KHDRBS3: variants seen among roughly 807,000 people sequenced by gnomAD.
KHDRBS3 encodes KH domain-containing, RNA-binding, signal transduction-associated protein 3.
KHDRBS3 carries 23 observed loss-of-function variants against 45.6 expected under a neutral mutation model. That is an observed-to-expected ratio of 0.50 (90% confidence interval 0.36 to 0.72). The LOEUF is 0.72. Ranked by LOEUF, KHDRBS3 falls within the 30% of genes least tolerant of loss-of-function variation. KHDRBS3 has a pLI of 0.00. For synonymous variants in KHDRBS3, 162 were observed against 156.5 expected (o/e 1.04, Z -0.26); for missense variants, 352 against 424.8 (o/e 0.83, Z 1.51).
Position 135,654,296 on chromosome 8 carries a change from A to G in KHDRBS3, c.*118-1930A>G, listed in dbSNP as rs188736451. 4.7e-4 allele frequency among the ~76,000 whole-genome samples: 72 copies of G among 152,360 alleles called. No homozygotes were observed. In the East Asian group the frequency reaches 0.011, roughly 24 times the overall value. On this transcript the variant is annotated intron_variant and NMD_transcript_variant, in intron 4 of 4. Transcript: ENST00000521461. ...TTTTGCTCACATTAAAGGCAATGCAAGAAGCCATGTTTATAAACATCTGTG... is the reference window on the plus strand; with the variant it reads ...TTTTGCTCACATTAAAGGCAATGCAGGAAGCCATGTTTATAAACATCTGTG...
At chr8:135,524,902 A>G (rs1304941234) in intron 2 of KHDRBS3, among the ~76,000 whole-genome samples, 1 of 151,952 alleles carries the variant, frequency 6.6e-6, no homozygotes, top group East Asian at 1.9e-4. Context: ...GGGATTTTCT[A>G]TTTTTTAATT....
chr8:135,554,252 A>C (rs900925258), intron 4 of KHDRBS3, among the ~76,000 whole-genome samples: 2 of 152,170 alleles, frequency 1.3e-5, no homozygotes, highest in African/African-American at 4.8e-5. Flanking sequence ...TACTTAGAAC[A>C]ATACTTTTTA....
chr8:135,536,966 C>CAAAAAAAAAAAAA lies in KHDRBS3; in HGVS notation c.208-5669_208-5657dup, dbSNP rs869256475. 4.2e-4 allele frequency among the ~76,000 whole-genome samples: 5 copies of CAAAAAAAAAAAAA among 11,772 alleles called. 1 individual carries two copies. The highest frequency in any genetic ancestry group is 1.3e-3 in the African/African-American group (3 of 2,398). The allele number at this position is 11,772 out of a possible 152,430, so 7.7% of individuals were successfully genotyped here. ...TGGGCGACAGAGCGAAACTCCATCT[C>CAAAAAAAAAAAAA]AAAAAAAAAAAAAAAAAAAAAAAAA... On this transcript the variant is annotated intron_variant, in intron 2 of 8. Coordinates refer to ENST00000355849, the MANE Select transcript of KHDRBS3 (RefSeq NM_006558.3).
intron 7 of KHDRBS3, among the ~76,000 whole-genome samples, chr8:135,637,866 T>G (rs184265626): frequency 6.6e-6 from 1 of 152,314 alleles, no homozygotes; most frequent in Non-Finnish European, 1.5e-5. Context: ...TAAAAGATTA[T>G]CTAAGTGCAT....
chr8:135,508,913 C>A (rs748687449), intron 1 of KHDRBS3, among the ~76,000 whole-genome samples: 1 of 152,086 alleles, frequency 6.6e-6, no homozygotes, highest in Admixed American at 6.6e-5. Flanking sequence ...GTCTTTCTAG[C>A]CAGTTTCCGT....
chr8:135,633,123 C>A (rs1287450514), intron 7 of KHDRBS3, among the ~76,000 whole-genome samples: 1 of 152,152 alleles, frequency 6.6e-6, no homozygotes, highest in African/African-American at 2.4e-5. Flanking sequence ...CTGTCTTTCC[C>A]ATTAAAGACA....
intron 1 of KHDRBS3, among the ~76,000 whole-genome samples, chr8:135,464,831 A>G (rs973299350): frequency 1.3e-5 from 2 of 152,236 alleles, no homozygotes; most frequent in African/African-American, 4.8e-5. Context: ...CATAGCTAGT[A>G]ACTGGTGAAT....
intron 2 of KHDRBS3, among the ~76,000 whole-genome samples, chr8:135,537,008 A>C: frequency 7.2e-6 from 1 of 138,870 alleles, no homozygotes. Flanking sequence ...GGAGATGTTT[A>C]GGAGGTAAAA....
chr8:135,644,163 C>T (rs1016828559), intron 7 of KHDRBS3, among the ~76,000 whole-genome samples: 3 of 152,212 alleles, frequency 2.0e-5, no homozygotes, highest in African/African-American at 7.2e-5. Flanking sequence ...AGACTTTTCA[C>T]AAGTCTATTC....
Position 135,604,520 on chromosome 8 carries a change from T to A in KHDRBS3, c.808-2435T>A, listed in dbSNP as rs577390885. Among the ~76,000 whole-genome samples, 513 of 151,610 alleles carry A rather than the reference T, an allele frequency of 3.4e-3. 7 individuals are homozygous for A. The highest frequency in any genetic ancestry group is 0.011 in the African/African-American group (466 of 41,450). On this transcript the variant is annotated intron_variant, in intron 6 of 8. Transcript: ENST00000355849. ...TACTTCCTTCTTTTGTGTTAAATGT[T>A]TTTTTTTTCACTGCACTGCTTTATT...
In KHDRBS3 at chr8:135,522,054, G is replaced by A. The variant is rs554840109; in HGVS notation, c.207+699G>A. 2.0e-5 allele frequency among the ~76,000 whole-genome samples: 3 copies of A among 152,132 alleles called. No individual in the cohort carries two copies. The East Asian group carries it at 5.8e-4, about 29-fold the overall frequency. ...CATGGTGGTTTGCCCCATCACCTAG[G>A]TATTAAGCCCCACATGCATTAGCTA... is the stretch of plus-strand genomic sequence containing the variant. On this transcript the variant is annotated intron_variant, in intron 2 of 8. Coordinates refer to ENST00000355849, the MANE Select transcript of KHDRBS3 (RefSeq NM_006558.3).
chr8:135,523,296 A>G (rs529945709), intron 2 of KHDRBS3, among the ~76,000 whole-genome samples: 124 of 152,258 alleles, frequency 8.1e-4, no homozygotes, highest in African/African-American at 2.8e-3. Context: ...TTTAATTTCT[A>G]TCAACAGCGC....
At chr8:135,643,126 T>A (rs118070958) in intron 7 of KHDRBS3, among the ~76,000 whole-genome samples, 1,773 of 152,276 alleles carry the variant, frequency 0.012, 14 homozygotes, top group Non-Finnish European at 0.019. Context: ...ACTTACTATA[T>A]TTGATTGAAC....
At chr8:135,632,811 C>T (rs1374360428) in intron 7 of KHDRBS3, among the ~76,000 whole-genome samples, 5 of 152,164 alleles carry the variant, frequency 3.3e-5, no homozygotes, top group Non-Finnish European at 7.3e-5. Flanking sequence ...CTCCCTTGTC[C>T]TCTCTGCTCC....
At chr8:135,519,616 G>C (rs955602182) in intron 1 of KHDRBS3, among the ~76,000 whole-genome samples, 1 of 152,182 alleles carries the variant, frequency 6.6e-6, no homozygotes, top group Non-Finnish European at 1.5e-5. Flanking sequence ...GGATATTCTA[G>C]TTCCCTTTTC....
intron 1 of KHDRBS3, among the ~76,000 whole-genome samples, chr8:135,465,280 T>G (rs1480079691): frequency 6.7e-6 from 1 of 149,070 alleles, no homozygotes; most frequent in Non-Finnish European, 1.5e-5. Context: ...GGTTGCTGTT[T>G]TAGACGTAAG....
chr8:135,604,273 A>G (rs186640341), intron 6 of KHDRBS3, among the ~76,000 whole-genome samples: 11 of 147,836 alleles, frequency 7.4e-5, no homozygotes, highest in African/African-American at 2.5e-4. Flanking sequence ...TTCATGGAAT[A>G]TCTTCTTCCA....
At chr8:135,541,691 A>G (rs1826056510) in intron 2 of KHDRBS3, 1 of 152,238 alleles carries the variant, frequency 6.6e-6, no homozygotes, top group African/African-American at 2.4e-5. Flanking sequence ...GCCAAGGCGA[A>G]CAGCTTCCTC....
downstream of KHDRBS3, chr8:135,648,696 T>C (rs1411708607): frequency 6.6e-6 from 1 of 152,144 alleles, no homozygotes; most frequent in Admixed American, 6.5e-5. Context: ...CCCCTGCTGG[T>C]TTCCTAGTAC....
Sources: allele counts gnomAD v4.1 joint callset (sites outside exome capture counted in the v4.1 genomes callset), GRCh38; gene constraint gnomAD v4.1.1; transcripts MANE v1.5; gene names NCBI Gene and HGNC (gene_info 2026-07-23, HGNC 2026-07-21).